The following RNF126 variants were observed in gnomAD, a reference collection of about 807,000 sequenced individuals.
RNF126 encodes E3 ubiquitin-protein ligase RNF126.
Under a neutral mutation model 41.9 loss-of-function variants are expected in RNF126, and 20 were observed. The ratio of observed to expected loss-of-function variants is 0.48; its 90% confidence interval spans 0.34 to 0.69. The LOEUF (loss-of-function observed/expected upper bound fraction) is 0.69, where lower values mean the gene tolerates loss of function less well. Ranked by LOEUF, RNF126 falls within the 30% of genes least tolerant of loss-of-function variation. The pLI, the probability that RNF126 is intolerant of heterozygous loss-of-function variation, is 0.01. For missense variants in RNF126, 433 were observed against 460.6 expected, an observed-to-expected ratio of 0.94 and a Z score of 0.55; for synonymous variants, 239 against 202.9, an observed-to-expected ratio of 1.18 and a Z score of -1.51.
rs1357830124 is a variant in RNF126 at position 647,630 on chromosome 19, C to G, written c.*498G>C. On this transcript the variant is annotated 3_prime_UTR_variant, in exon 9 of 9. Coordinates refer to ENST00000292363, the MANE Select transcript of RNF126 (RefSeq NM_194460.3). ...TTTGTTCTTGAATTTTGCTGGTCAT[C>G]CTCATGGTCCCGAGCCCCCCTACTC... 1 of 168,188 alleles carries G rather than the reference C, an allele frequency of 5.9e-6. No homozygotes were observed. Among genetic ancestry groups the G allele is most frequent in the Non-Finnish European group, 1.3e-5 (1 of 76,884 alleles). The allele number at this position is 168,188 out of a possible 1,614,324, so 10.4% of individuals were successfully genotyped here.
chr19:656,852 C>G (rs144316449), intron 1 of RNF126, among the ~76,000 whole-genome samples: 3 of 152,174 alleles, frequency 2.0e-5, no homozygotes, highest in African/African-American at 2.4e-5. Context: ...AATCTGAACC[C>G]CTGGTTTCTG....
Position 648,412 on chromosome 19 carries a change from T to C in RNF126, c.746A>G (p.His249Arg). The stretch of plus-strand genomic sequence containing the variant: ...CACGATGCAGCCGTCGTGGAACAGG[T>C]GGTTGCAGGGCAGCTGCCGCACACG... ...GERVRQLPCNHLFHDGCIVPW... is the reference protein window; with the variant it reads ...GERVRQLPCNRLFHDGCIVPW... Residue 249 changes from histidine (H) to arginine (R), a missense_variant, in exon 8 of 9, where the codon CAC becomes CGC. Physicochemically the swap from His to Arg is conservative, Grantham distance 29 (BLOSUM62 0). Transcript: ENST00000292363. 1 of 1,582,070 alleles carries C rather than the reference T, an allele frequency of 6.3e-7. No homozygotes were observed. Among genetic ancestry groups the C allele is most frequent in the Non-Finnish European group, 8.6e-7 (1 of 1,168,532 alleles).
intron 1 of RNF126, among the ~76,000 whole-genome samples, chr19:658,987 G>C (rs1461568291): frequency 1.3e-5 from 2 of 152,216 alleles, no homozygotes; most frequent in Non-Finnish European, 2.9e-5. Flanking sequence ...AGAGAGGGCA[G>C]CCGACATCCA....
At chr19:661,610 C>T (rs920423914) in intron 1 of RNF126, among the ~76,000 whole-genome samples, 1 of 152,178 alleles carries the variant, frequency 6.6e-6, no homozygotes, top group African/African-American at 2.4e-5. Context: ...CCCGCTCTCC[C>T]GCCATGCCCC....
intron 4 of RNF126, 23 bp downstream of exon 4, chr19:651,588 G>T: frequency 7.2e-7 from 1 of 1,395,102 alleles, no homozygotes; most frequent in East Asian, 2.8e-5. Flanking sequence ...GGGCCCTCGC[G>T]GCCACCCCCG....
intron 1 of RNF126, 127 bp from the exon 2 acceptor site, chr19:653,011 T>C (rs1007842400): frequency 4.5e-6 from 4 of 884,616 alleles, no homozygotes; most frequent in Non-Finnish European, 7.1e-6. Context: ...CAGGCCAGGG[T>C]GGCTCCCAAC....
chr19:648,487 C>A lies in RNF126; in HGVS notation c.671G>T (p.Gly224Val), dbSNP rs867036510. ...GCACACAGGGCACTCGAGCCCGGAGCCTGCGGGAGTGTGCAGCTGCGGTCA... is the reference window on the plus strand; with the variant it reads ...GCACACAGGGCACTCGAGCCCGGAGACTGCGGGAGTGTGCAGCTGCGGTCA... Reference protein sequence around the residue: ...PTVPVTEEHVGSGLECPVCKD... With the variant: ...PTVPVTEEHVVSGLECPVCKD... The change falls in exon 8 of 9, where the codon GGC (glycine) becomes GTC (valine). Residue 224 changes from glycine (G) to valine (V), a missense_variant and splice_region_variant. By Grantham distance (109) the Gly-to-Val change is moderately radical (BLOSUM62 -3). Transcript: ENST00000292363. The A allele has an allele frequency of 6.4e-7, 1 of 1,567,074 alleles. No homozygotes were observed.
Position 648,364 on chromosome 19 carries a change from G to GGGGGGGGGGGGGGGGGGGGGC in RNF126, c.786+7_786+8insGCCCCCCCCCCCCCCCCCCCC. On this transcript the variant is annotated splice_region_variant and intron_variant, in intron 8 of 8. Transcript: ENST00000292363. ...CGGGGTGGGGGGGCGGGTGGGCGGG[G>GGGGGGGGGGGGGGGGGGGGGC]CACTCACCTGCTCCAGCCAGGGCAC... is the stretch of plus-strand genomic sequence containing the variant. 2.0e-6 allele frequency: 1 copy of GGGGGGGGGGGGGGGGGGGGGC among 510,494 alleles called. No individual in the cohort carries two copies. Among genetic ancestry groups the GGGGGGGGGGGGGGGGGGGGGC allele is most frequent in the Non-Finnish European group, 3.6e-6 (1 of 278,362 alleles). The allele number at this position is 510,494 out of a possible 1,614,324, so 31.6% of individuals were successfully genotyped here. A position where few individuals can be genotyped will look rare whatever the true frequency, so the allele number is the denominator to read the frequency against.
chr19:663,009 G>C, intron 1 of RNF126, 38 bp downstream of exon 1: 1 of 1,201,170 alleles, frequency 8.3e-7, no homozygotes, highest in Non-Finnish European at 1.1e-6. Context: ...GGCCTGCGGC[G>C]CAGACCCTGC....
Position 648,707 on chromosome 19 carries a change from G to A in RNF126, c.670+175C>T, listed in dbSNP as rs926848951. On this transcript the variant is annotated intron_variant, in intron 7 of 8. Transcript: ENST00000292363. ...CTCGAGGCCGGGTGCGGTGGCTCAC[G>A]CCTGTCATCCCAGCACTTTGGGAGG... is the stretch of plus-strand genomic sequence containing the variant. Among the ~76,000 whole-genome samples the A allele has an allele frequency of 3.9e-5, 6 of 152,210 alleles. No individual in the cohort carries two copies. The South Asian group carries it at 6.2e-4, about 16-fold the overall frequency.
At chr19:648,552 C>G (rs1396501009) in intron 7 of RNF126, 65 bp from the exon 8 acceptor site, 1 of 1,316,064 alleles carries the variant, frequency 7.6e-7, no homozygotes. Context: ...CAAGGGCAGG[C>G]TACTCCACAG....
intron 5 of RNF126, 30 bp downstream of exon 5, chr19:650,204 G>C: frequency 3.9e-6 from 6 of 1,552,598 alleles, no homozygotes; most frequent in Non-Finnish European, 5.2e-6. Flanking sequence ...CCCAGGCTGG[G>C]GATGGGGACA....
Position 650,300 on chromosome 19 carries a change from GAA to G in RNF126, c.444-6_444-5del. 6.3e-7 allele frequency: 1 copy of G among 1,576,982 alleles called. No individual in the cohort carries two copies. Among genetic ancestry groups the G allele is most frequent in the Non-Finnish European group, 8.6e-7 (1 of 1,162,304 alleles). ...GTTGACGAGCTGCTGGATGATCCTGGAAAAGAGAGCGCCAGTCACGGGGTGAG... is the reference window on the plus strand; with the variant it reads ...GTTGACGAGCTGCTGGATGATCCTGGAAGAGAGCGCCAGTCACGGGGTGAG... On this transcript the variant is annotated splice_region_variant and splice_polypyrimidine_tract_variant and intron_variant, in intron 4 of 8. Coordinates refer to ENST00000292363, the MANE Select transcript of RNF126 (RefSeq NM_194460.3).
At chr19:650,489 T>C (rs2030224285) in intron 4 of RNF126, 193 bp from the exon 5 acceptor site, 4 of 529,448 alleles carry the variant, frequency 7.6e-6, no homozygotes, top group Non-Finnish European at 1.3e-5. Context: ...TTGATCTTGG[T>C]TCACTGCAGC....
chr19:654,759 G>C (rs1299904241), intron 1 of RNF126, among the ~76,000 whole-genome samples: 1 of 150,712 alleles, frequency 6.6e-6, no homozygotes, highest in Non-Finnish European at 1.5e-5. Context: ...CTGAGGCCAG[G>C]AGTTCGAGAC....
At chr19:656,016 G>A (rs1030435720) in intron 1 of RNF126, among the ~76,000 whole-genome samples, 6 of 152,080 alleles carry the variant, frequency 3.9e-5, no homozygotes, top group African/African-American at 1.2e-4. Context: ...GAGAGGGGAT[G>A]TGTGAGCACC....
At chr19:651,455 G>A in intron 4 of RNF126, 156 bp downstream of exon 4, 1 of 633,148 alleles carries the variant, frequency 1.6e-6, no homozygotes, top group South Asian at 3.3e-5. Flanking sequence ...GGGCCGTGTG[G>A]GGAGTCACAG....
rs2030046073 is a variant in RNF126, at chr19:648,054, T to A, written c.*74A>T. 1 of 1,429,820 alleles carries A rather than the reference T, an allele frequency of 7.0e-7. No individual in the cohort carries two copies. Among genetic ancestry groups the A allele is most frequent in the South Asian group, 1.4e-5 (1 of 70,748 alleles). 88.6% of individuals were successfully genotyped at this position (1,429,820 alleles called of 1,614,324 possible). ...AGCGTGGCGCCGCCGGGGCACCCAG[T>A]CTGTGGGTGCCGTGTGGCGCTGGCT... On this transcript the variant is annotated 3_prime_UTR_variant, in exon 9 of 9. Coordinates refer to ENST00000292363, the MANE Select transcript of RNF126 (RefSeq NM_194460.3).
In RNF126 at chr19:647,857, T is replaced by C. The variant is rs1312680019; in HGVS notation, c.*271A>G. ...TCAAAGCAGTAATAATTTAAAATTATAAAAATCTTTCCACCGCTGAACGTT... is the reference window on the plus strand; with the variant it reads ...TCAAAGCAGTAATAATTTAAAATTACAAAAATCTTTCCACCGCTGAACGTT... On this transcript the variant is annotated 3_prime_UTR_variant, in exon 9 of 9. Transcript: ENST00000292363. 3.2e-6 allele frequency: 2 copies of C among 615,982 alleles called. No individual in the cohort carries two copies. The highest frequency in any genetic ancestry group is 2.4e-5 in the Admixed American group (1 of 41,678). The allele number at this position is 615,982 out of a possible 1,614,324, so 38.2% of individuals were successfully genotyped here.
Sources: gnomAD v4.1 joint callset for allele counts (sites outside exome capture counted in the v4.1 genomes callset) on GRCh38, gnomAD v4.1.1 for gene constraint, MANE v1.5 for transcripts, NCBI Gene and HGNC (gene_info 2026-07-23, HGNC 2026-07-21) for gene names.